SLC24A2: variants seen among roughly 807,000 people sequenced by gnomAD.
SLC24A2 encodes sodium/potassium/calcium exchanger 2.
SLC24A2 carries 36 observed loss-of-function variants against 62.0 expected under a neutral mutation model. That is an observed-to-expected ratio of 0.58 (90% CI 0.44 to 0.77). The LOEUF is 0.77. Ranked by LOEUF, SLC24A2 falls within the 30% of genes least tolerant of loss-of-function variation. The pLI, the probability that SLC24A2 is intolerant of heterozygous loss-of-function variation, is 0.00. For synonymous variants in SLC24A2, 358 were observed against 294.0 expected (o/e 1.22, Z -2.23); for missense variants, 846 against 817.9 (o/e 1.03, Z -0.42).
chr9:19,835,138 C>A, the SLC24A2 span, among the ~76,000 whole-genome samples: 1 of 152,118 alleles, frequency 6.6e-6, no homozygotes, highest in Non-Finnish European at 1.5e-5. Context: ...ATTGTAAAGA[C>A]CATCAAGGCT....
the SLC24A2 span, among the ~76,000 whole-genome samples, chr9:20,141,695 C>T: frequency 2.0e-5 from 3 of 151,960 alleles, no homozygotes; most frequent in East Asian, 3.9e-4. Context: ...CTAGAAACGA[C>T]GCTACTGCAG....
rs562621584 is a variant in SLC24A2, at chr9:19,546,057, G to A, written c.1479+4080C>T. Among the ~76,000 whole-genome samples the A allele has an allele frequency of 1.3e-3, 197 of 152,312 alleles. 1 individual carries two copies. The highest frequency in any genetic ancestry group is 4.2e-3 in the African/African-American group (173 of 41,580). Reference sequence around the variant, plus strand: ...GCTGCAGAACAGCAAAGACTGCTGCGTGTTGTTTCCTCTGGAACCTTTGTC... The same window carrying A: ...GCTGCAGAACAGCAAAGACTGCTGCATGTTGTTTCCTCTGGAACCTTTGTC... On this transcript the variant is annotated intron_variant, in intron 8 of 10. Transcript: ENST00000341998.
At chr9:19,528,591 A>T (rs183940544) in intron 8 of SLC24A2, among the ~76,000 whole-genome samples, 1 of 152,278 alleles carries the variant, frequency 6.6e-6, no homozygotes, top group East Asian at 1.9e-4. Flanking sequence ...AACCTATGGG[A>T]TTAATTCCAT....
At chr9:19,826,595 C>G in the SLC24A2 span, among the ~76,000 whole-genome samples, 10 of 152,290 alleles carry the variant, frequency 6.6e-5, no homozygotes, top group South Asian at 2.1e-3. Flanking sequence ...AAGTTGGCCC[C>G]TTGAAAACTA....
the SLC24A2 span, among the ~76,000 whole-genome samples, chr9:20,082,639 A>C: frequency 6.6e-6 from 1 of 152,252 alleles, no homozygotes; most frequent in African/African-American, 2.4e-5. Flanking sequence ...TTGTGCCTCC[A>C]GCCCTCCTTT....
At chr9:19,693,014 T>C (rs1227276315) in intron 2 of SLC24A2, among the ~76,000 whole-genome samples, 1 of 152,158 alleles carries the variant, frequency 6.6e-6, no homozygotes, top group African/African-American at 2.4e-5. Flanking sequence ...GGGGACATTA[T>C]TGACTGATAG....
chr9:19,525,142 G>A (rs1402347602), intron 9 of SLC24A2, among the ~76,000 whole-genome samples: 2 of 152,048 alleles, frequency 1.3e-5, no homozygotes. Flanking sequence ...AACTTGCTCA[G>A]GAAGCCAATG....
chr9:19,622,848 T>C (rs1351797767), intron 2 of SLC24A2, among the ~76,000 whole-genome samples: 1 of 152,172 alleles, frequency 6.6e-6, no homozygotes, highest in Non-Finnish European at 1.5e-5. Context: ...CAGCATTCAT[T>C]GCTCCATGTA....
the SLC24A2 span, among the ~76,000 whole-genome samples, chr9:20,119,967 CA>C: frequency 1.3e-5 from 2 of 152,258 alleles, no homozygotes; most frequent in Admixed American, 1.3e-4. Context: ...AAGTGTGACA[CA>C]AGTCTCACTG....
At chr9:20,188,586 A>T in the SLC24A2 span, among the ~76,000 whole-genome samples, 1 of 152,180 alleles carries the variant, frequency 6.6e-6, no homozygotes, top group Admixed American at 6.5e-5. Flanking sequence ...AAATGGGGAG[A>T]ATAGCCTGAA....
the SLC24A2 span, among the ~76,000 whole-genome samples, chr9:20,269,462 G>A: frequency 6.6e-6 from 1 of 152,090 alleles, no homozygotes; most frequent in Non-Finnish European, 1.5e-5. Flanking sequence ...TCTGTTCTCA[G>A]CAAGTAAAAG....
At chr9:19,834,705 C>G in the SLC24A2 span, among the ~76,000 whole-genome samples, 7 of 152,036 alleles carry the variant, frequency 4.6e-5, no homozygotes, top group Non-Finnish European at 8.8e-5. Flanking sequence ...CCAACATTCA[C>G]ATTCAGGAAA....
the SLC24A2 span, among the ~76,000 whole-genome samples, chr9:19,863,828 G>C: frequency 6.6e-6 from 1 of 151,304 alleles, no homozygotes; most frequent in Non-Finnish European, 1.5e-5. Flanking sequence ...TAGAATAAAA[G>C]AAATAATAAA....
At chr9:19,619,870 T>A (rs909982378) in intron 3 of SLC24A2, among the ~76,000 whole-genome samples, 178 bp from the exon 4 acceptor site, 1 of 152,216 alleles carries the variant, frequency 6.6e-6, no homozygotes, top group Non-Finnish European at 1.5e-5. Flanking sequence ...CTCACATTCT[T>A]TCCTACTAAA....
the SLC24A2 span, among the ~76,000 whole-genome samples, chr9:19,953,941 A>G: frequency 6.6e-6 from 1 of 151,782 alleles, no homozygotes; most frequent in Non-Finnish European, 1.5e-5. Flanking sequence ...ACACTGTCCT[A>G]TTGATATTGA....
At chr9:19,768,560 G>C (rs1391584328) in intron 2 of SLC24A2, among the ~76,000 whole-genome samples, 1 of 152,146 alleles carries the variant, frequency 6.6e-6, no homozygotes, top group Non-Finnish European at 1.5e-5. Flanking sequence ...TGGCTACTAA[G>C]TGACTAATGG....
At position 19,509,527 on chromosome 9, in the gene SLC24A2, T is replaced by C. The variant is rs954012045; in HGVS notation, c.*6626A>G. The C allele has an allele frequency of 6.6e-6, 1 of 152,192 alleles. No individual in the cohort carries two copies. Among genetic ancestry groups the C allele is most frequent in the Non-Finnish European group, 1.5e-5 (1 of 68,024 alleles). 9.4% of individuals were successfully genotyped at this position (152,192 alleles called of 1,614,324 possible). On this transcript the variant is annotated 3_prime_UTR_variant, in exon 11 of 11. Transcript: ENST00000341998. ...GGCTTTAATTAAGACAGTTGTCTCT[T>C]ATGAAGTACTATAAAGTGCAATATT...
At chr9:20,100,579 C>CAATGCCATCCCCATCAAGCTACCAATG in the SLC24A2 span, among the ~76,000 whole-genome samples, 1 of 152,198 alleles carries the variant, frequency 6.6e-6, no homozygotes, top group African/African-American at 2.4e-5. Context: ...TCATCAAGTT[C>CAATGCCATCCCCATCAAGCTACCAATG]ACTACTCTAT....
At chr9:19,656,695 G>A (rs1264949037) in intron 2 of SLC24A2, among the ~76,000 whole-genome samples, 1 of 152,126 alleles carries the variant, frequency 6.6e-6, no homozygotes, top group Non-Finnish European at 1.5e-5. Context: ...TTCCTTCCCA[G>A]TTCCTCCTCT....
Sources: allele counts gnomAD v4.1 joint callset (sites outside exome capture counted in the v4.1 genomes callset), GRCh38; gene constraint gnomAD v4.1.1; transcripts MANE v1.5; gene names NCBI Gene and HGNC (gene_info 2026-07-23, HGNC 2026-07-21).